Variants in RNF17 observed in about 807,000 individuals in gnomAD.
RNF17 encodes the protein ring finger protein 17, also known as spermatogenesis associated 23.
In RNF17, 31 loss-of-function variants were observed where a neutral mutation model predicts 200.5. That is an observed-to-expected ratio of 0.15 (90% CI 0.12 to 0.21). The LOEUF (loss-of-function observed/expected upper bound fraction) is 0.21, where lower values mean the gene tolerates loss of function less well. RNF17 is among the 10% of genes least tolerant of loss of function. The pLI, the probability that RNF17 is intolerant of heterozygous loss-of-function variation, is 1.00. For missense variants in RNF17, 1,628 were observed against 1,905.1 expected (o/e 0.85, Z 2.71); for synonymous variants, 606 against 637.8 (o/e 0.95, Z 0.75).
At chr13:24,866,633 A>G (rs1289983577) in intron 30 of RNF17, among the ~76,000 whole-genome samples, 1 of 152,268 alleles carries the variant, frequency 6.6e-6, no homozygotes, top group Non-Finnish European at 1.5e-5. Flanking sequence ...GCTGAATAAA[A>G]TTCCATTGTA....
chr13:24,862,605 C>T, intron 27 of RNF17, 108 bp from the exon 28 acceptor site: 1 of 676,190 alleles, frequency 1.5e-6, no homozygotes, highest in South Asian at 1.7e-5. Flanking sequence ...GTATTTTGTA[C>T]TACTATCTGA....
chr13:24,845,925 C>G (rs1461682857), intron 22 of RNF17, among the ~76,000 whole-genome samples: 1 of 152,014 alleles, frequency 6.6e-6, no homozygotes, highest in Non-Finnish European at 1.5e-5. Context: ...AAGAAAAGAT[C>G]CAGATGAAAG....
intron 17 of RNF17, among the ~76,000 whole-genome samples, chr13:24,831,337 G>C (rs1432271689): frequency 6.6e-6 from 1 of 152,096 alleles, no homozygotes; most frequent in Non-Finnish European, 1.5e-5. Context: ...AGTTACTCAG[G>C]AGGCTGAGGC....
At chr13:24,885,215 C>G in the RNF17 span, 2 of 1,134,570 alleles carry the variant, frequency 1.8e-6, no homozygotes, top group African/African-American at 1.5e-5. Context: ...CTATGTGTTT[C>G]AACTATTTTA....
chr13:24,804,175 T>C, intron 14 of RNF17, 113 bp from the exon 15 acceptor site: 2 of 916,672 alleles, frequency 2.2e-6, no homozygotes, highest in South Asian at 3.1e-5. Flanking sequence ...GGTGGGAGGA[T>C]TGCTTGAGCC....
intron 15 of RNF17, among the ~76,000 whole-genome samples, chr13:24,821,742 A>G (rs1329247476): frequency 6.6e-6 from 1 of 151,974 alleles, no homozygotes; most frequent in Non-Finnish European, 1.5e-5. Flanking sequence ...TCATTTTCCG[A>G]ATTTTCTTTA....
chr13:24,827,717 A>AAAAAAAAAAAAAAG (rs1888871657), intron 16 of RNF17, among the ~76,000 whole-genome samples: 1 of 57,450 alleles, frequency 1.7e-5, no homozygotes, highest in African/African-American at 8.8e-5. Flanking sequence ...AAAAAAAAAA[A>AAAAAAAAAAAAAAG]CAAAAAAAAA....
chr13:24,788,620 T>A (rs945072639), intron 7 of RNF17, among the ~76,000 whole-genome samples: 7 of 152,154 alleles, frequency 4.6e-5, no homozygotes, highest in African/African-American at 1.7e-4. Flanking sequence ...TCTCTTCCAA[T>A]TCCATTCCAA....
At chr13:24,767,443 A>G (rs765421691) in intron 2 of RNF17, 77 bp downstream of exon 2, 5 of 1,031,596 alleles carry the variant, frequency 4.8e-6, no homozygotes, top group Non-Finnish European at 7.3e-6. Flanking sequence ...AGTAAAACGT[A>G]CTTCTAGTTA....
chr13:24,857,771 T>A (rs755417438), intron 25 of RNF17, among the ~76,000 whole-genome samples: 59 of 152,266 alleles, frequency 3.9e-4, no homozygotes, highest in Non-Finnish European at 6.3e-4. Flanking sequence ...TGGTGGTGCA[T>A]GCCTGGGTCT....
Position 24,799,413 on chromosome 13 carries a change from G to A in RNF17, c.1418G>A (p.Ser473Asn). 6.2e-7 allele frequency: 1 copy of A among 1,606,936 alleles called. No individual in the cohort carries two copies. Among genetic ancestry groups the A allele is most frequent in the Non-Finnish European group, 8.5e-7 (1 of 1,176,678 alleles). ...ILELGARIFVSSIKNGMWCRG... is the reference protein window; with the variant it reads ...ILELGARIFVNSIKNGMWCRG... ...TATTTAGGTGCAAGAATATTTGTCA[G>A]CAGTATTAAAAATGGAATGTGGTGT... The change falls in exon 12 of 36, where the codon AGC becomes AAC. Residue 473 changes from serine (S) to asparagine (N), a missense_variant. By Grantham distance (46) the Ser-to-Asn change is conservative. This residue lies in a region of RNF17 where 289 missense variants were observed against 384.9 expected (regional missense o/e 0.75). Coordinates refer to ENST00000255324, the MANE Select transcript of RNF17 (RefSeq NM_031277.3).
chr13:24,883,864 G>T, downstream of RNF17: 1 of 1,348,968 alleles, frequency 7.4e-7, no homozygotes, highest in Non-Finnish European at 1.1e-6. Flanking sequence ...TAATATGGGT[G>T]TCACATATCA....
chr13:24,827,056 G>A (rs1226950224), intron 16 of RNF17, among the ~76,000 whole-genome samples: 3 of 147,190 alleles, frequency 2.0e-5, no homozygotes, highest in East Asian at 1.9e-4. Context: ...GCAAAACTCT[G>A]TTTCAAGAAA....
intron 11 of RNF17, among the ~76,000 whole-genome samples, chr13:24,797,523 A>T (rs1019585785): frequency 3.3e-5 from 5 of 152,138 alleles, no homozygotes; most frequent in Admixed American, 3.3e-4. Context: ...ATGAGAAAAA[A>T]ATCAATTCCT....
the RNF17 span, among the ~76,000 whole-genome samples, chr13:24,887,048 T>G: frequency 3.0e-3 from 461 of 151,848 alleles, no homozygotes; most frequent in Non-Finnish European, 4.9e-3. Context: ...CTGGGGACAG[T>G]GGAAGCTAGG....
chr13:24,834,931 T>C (rs962287753), intron 18 of RNF17, among the ~76,000 whole-genome samples: 8 of 151,826 alleles, frequency 5.3e-5, no homozygotes, highest in African/African-American at 1.9e-4. Flanking sequence ...CTGGGGCAGG[T>C]TTTCAAATCC....
chr13:24,797,212 A>G (rs1337491816), intron 11 of RNF17, among the ~76,000 whole-genome samples: 3 of 152,358 alleles, frequency 2.0e-5, no homozygotes, highest in Non-Finnish European at 2.9e-5. Context: ...GCTTATTTTC[A>G]GAAAATGTTC....
Position 24,879,272 on chromosome 13 carries a change from A to G in RNF17, c.4859A>G (p.Asp1620Gly). Residue 1620 changes from aspartate to glycine, a missense_variant, in exon 35 of 36, where the codon GAT (aspartate) becomes GGT (glycine). By Grantham distance (94) the Asp-to-Gly change is moderately conservative. Around this residue, in one of 5 missense-constraint regions of RNF17, gnomAD observed 609 missense variants for 681.9 expected, o/e 0.89. Transcript: ENST00000255324. ...CCGTTGGTAGAAATGGGGCTTGCAG[A>G]TAAAGATGAATAAGTGCCTAAGTGT... The part of the protein sequence containing the change: ...HMPLVEMGLA[D>G]KDE The G allele has an allele frequency of 6.2e-7, 1 of 1,606,626 alleles. No homozygotes were observed. The highest frequency in any genetic ancestry group is 8.5e-7 in the Non-Finnish European group (1 of 1,173,208).
intron 15 of RNF17, chr13:24,824,217 G>C (rs1484377831): frequency 1.4e-6 from 1 of 713,444 alleles, no homozygotes; most frequent in Admixed American, 2.0e-5. Context: ...AATAAAGTTG[G>C]TTGAGACACT....
Sources: allele counts gnomAD v4.1 joint callset (sites outside exome capture counted in the v4.1 genomes callset), GRCh38; gene constraint gnomAD v4.1.1; regional missense constraint gnomAD v4.1.1; transcripts MANE v1.5; gene names NCBI Gene and HGNC (gene_info 2026-07-23, HGNC 2026-07-21).